NDE1: variants seen among roughly 807,000 people sequenced by gnomAD.
NDE1 encodes the protein nudE neurodevelopment protein 1.
Under a neutral mutation model 43.4 loss-of-function variants are expected in NDE1, and 28 were observed. That is an observed-to-expected ratio of 0.65 (90% CI 0.48 to 0.89). NDE1 has a LOEUF of 0.89. NDE1 is among the 40% of genes least tolerant of loss of function. NDE1 has a pLI of 0.00. For missense variants in NDE1, 441 were observed against 434.1 expected (o/e 1.02, Z -0.14); for synonymous variants, 184 against 172.0 (o/e 1.07, Z -0.55).
At chr16:15,718,684 C>T in intron 8 of NDE1, 1 of 582,988 alleles carries the variant, frequency 1.7e-6, no homozygotes, top group Non-Finnish European at 3.0e-6. Flanking sequence ...CTGACTCTTC[C>T]TGGCCTCCCC....
At chr16:15,653,120 G>A (rs891797517) in intron 1 of NDE1, among the ~76,000 whole-genome samples, 2 of 152,042 alleles carry the variant, frequency 1.3e-5, no homozygotes, top group African/African-American at 4.8e-5. Context: ...ACAGAGAGAG[G>A]GAAATAAACA....
At chr16:15,667,627 G>GTTTTTTTTTTT (rs1177615503) in intron 3 of NDE1, among the ~76,000 whole-genome samples, 188 bp downstream of exon 3, 7 of 113,124 alleles carry the variant, frequency 6.2e-5, no homozygotes, top group Non-Finnish European at 8.7e-5. Flanking sequence ...GGTGCTTTTT[G>GTTTTTTTTTTT]TTTTGTTTTT....
exon 1 of NDE1, chr16:15,643,446 T>C: frequency 2.2e-6 from 1 of 446,826 alleles, no homozygotes; most frequent in Middle Eastern, 3.3e-4. Flanking sequence ...AAGCGGAGAA[T>C]GAGCTCGTGA....
At chr16:15,719,547 C>T (rs1406756734) in intron 8 of NDE1, 2 of 1,612,882 alleles carry the variant, frequency 1.2e-6, no homozygotes, top group Admixed American at 1.7e-5. Flanking sequence ...TACCGTGACA[C>T]CCGCATCTGA....
intron 8 of NDE1, chr16:15,719,393 G>A (rs1338010471): frequency 1.1e-5 from 17 of 1,506,828 alleles, no homozygotes; most frequent in Non-Finnish European, 1.5e-5. Flanking sequence ...AGCCACCCTT[G>A]AAAGTACATG....
At chr16:15,692,209 G>GA (rs1284820793) in intron 6 of NDE1, among the ~76,000 whole-genome samples, 1 of 152,200 alleles carries the variant, frequency 6.6e-6, no homozygotes, top group Non-Finnish European at 1.5e-5. Context: ...GCAGGCCCAG[G>GA]ATGCAGGTGC....
At chr16:15,663,650 T>C (rs2037160869) in intron 1 of NDE1, among the ~76,000 whole-genome samples, 1 of 152,198 alleles carries the variant, frequency 6.6e-6, no homozygotes, top group Non-Finnish European at 1.5e-5. Context: ...CTGATAGAAA[T>C]GTATTTTCAG....
intron 8 of NDE1, among the ~76,000 whole-genome samples, chr16:15,712,332 C>T (rs940482362): frequency 6.6e-6 from 1 of 152,062 alleles, no homozygotes; most frequent in Non-Finnish European, 1.5e-5. Flanking sequence ...TTAGTTGAGA[C>T]CTCTCACCTA....
intron 8 of NDE1, chr16:15,718,972 AT>A: frequency 2.0e-6 from 1 of 508,312 alleles, no homozygotes; most frequent in East Asian, 3.8e-5. Flanking sequence ...TACTAAAAAT[AT>A]AAAAATTAGC....
chr16:15,719,359 A>G, intron 8 of NDE1: 1 of 1,581,534 alleles, frequency 6.3e-7, no homozygotes, highest in Non-Finnish European at 8.6e-7. Context: ...GCCAAGCCCC[A>G]CCAAGAGTCC....
intron 1 of NDE1, among the ~76,000 whole-genome samples, chr16:15,644,615 A>C (rs1270869328): frequency 6.6e-6 from 1 of 152,224 alleles, no homozygotes; most frequent in Non-Finnish European, 1.5e-5. Flanking sequence ...ATCACTATTT[A>C]GAAAAGAAAG....
At chr16:15,714,943 C>T (rs2040036846) in intron 8 of NDE1, 2 of 1,613,970 alleles carry the variant, frequency 1.2e-6, no homozygotes, top group Non-Finnish European at 8.5e-7. Flanking sequence ...ACCTCGCGGC[C>T]CATGGCCTCG....
At chr16:15,713,820 T>G (rs10521101) in intron 8 of NDE1, 1 of 152,254 alleles carries the variant, frequency 6.6e-6, no homozygotes, top group Non-Finnish European at 1.5e-5. Context: ...TTTCACCAAA[T>G]GATTGCAGCA....
chr16:15,683,315 C>A (rs1303738062), intron 4 of NDE1: 1 of 152,074 alleles, frequency 6.6e-6, no homozygotes, highest in Non-Finnish European at 1.5e-5. Context: ...CAAATTATTG[C>A]AATATTTTGC....
chr16:15,723,269 G>C (rs2040578456), intron 8 of NDE1, among the ~76,000 whole-genome samples: 2 of 152,128 alleles, frequency 1.3e-5, no homozygotes, highest in South Asian at 4.1e-4. Flanking sequence ...GTTGAGGTGT[G>C]GAAGGGGAAA....
intron 8 of NDE1, among the ~76,000 whole-genome samples, chr16:15,702,876 C>T (rs1185206033): frequency 6.6e-6 from 1 of 152,166 alleles, no homozygotes; most frequent in Admixed American, 6.6e-5. Context: ...TTAGACCACA[C>T]ATCACCTTAT....
chr16:15,667,419 A>C lies in NDE1; in HGVS notation c.217A>C (p.Met73Leu). The change falls in exon 3 of 9, where the codon ATG (methionine) becomes CTG (leucine). Residue 73 changes from methionine (M) to leucine (L), a missense_variant. Transcript: ENST00000396354. ...CCTGTCCGAAAATAACCGCCTTCGCATGGAGCTGGAAACCATCAAGGTGAG... is the reference window on the plus strand; with the variant it reads ...CCTGTCCGAAAATAACCGCCTTCGCCTGGAGCTGGAAACCATCAAGGTGAG... Reference protein sequence around the residue: ...DLLSENNRLRMELETIKEKFE... With the variant: ...DLLSENNRLRLELETIKEKFE... 6.2e-7 allele frequency: 1 copy of C among 1,613,878 alleles called. No homozygotes were observed. The highest frequency in any genetic ancestry group is 1.7e-5 in the Admixed American group (1 of 59,988).
At position 15,686,525 on chromosome 16, in the gene NDE1, A is replaced by G. The variant is rs1038435481; in HGVS notation, c.387-850A>G. ...TGATCTCTTCCACCTGCTTAAGTGC[A>G]TCTTATGCCTGGCACAATGCCTCAT... On this transcript the variant is annotated intron_variant, in intron 4 of 8. Transcript: ENST00000396354. The G allele has an allele frequency of 4.1e-6, 4 of 985,116 alleles. No individual in the cohort carries two copies. In the African/African-American group the frequency reaches 5.2e-5, roughly 13 times the overall value. The allele number at this position is 985,116 out of a possible 1,614,324, so 61.0% of individuals were successfully genotyped here.
chr16:15,688,689 C>CTCTTTTTTTTTTT (rs2038571293), intron 5 of NDE1, among the ~76,000 whole-genome samples: 1 of 59,990 alleles, frequency 1.7e-5, no homozygotes, highest in Non-Finnish European at 3.0e-5. Flanking sequence ...TTGTTTTTAC[C>CTCTTTTTTTTTTT]TTTTTTTTTT....
Sources: gnomAD v4.1 joint callset for allele counts (sites outside exome capture counted in the v4.1 genomes callset) on GRCh38, gnomAD v4.1.1 for gene constraint, MANE v1.5 for transcripts, NCBI Gene and HGNC (gene_info 2026-07-23, HGNC 2026-07-21) for gene names.